Variants in USP2 observed in about 807,000 individuals in gnomAD.
USP2 encodes the protein ubiquitin carboxyl-terminal hydrolase 2.
USP2 carries 33 observed loss-of-function variants against 72.0 expected under a neutral mutation model. The ratio of observed to expected loss-of-function variants is 0.46; its 90% CI spans 0.35 to 0.61. The LOEUF (loss-of-function observed/expected upper bound fraction) is 0.61, where lower values mean the gene tolerates loss of function less well. Among genes scored for constraint, USP2 ranks in the 20% least tolerant of loss-of-function variants. The pLI is 0.01. For missense variants in USP2, 691 were observed against 797.8 expected (o/e 0.87, Z 1.61); for synonymous variants, 296 against 312.5 (o/e 0.95, Z 0.56).
intron 8 of USP2, 23 bp from the exon 9 acceptor site, chr11:119,358,084 G>A (rs564864576): frequency 1.2e-6 from 2 of 1,614,180 alleles, no homozygotes; most frequent in African/African-American, 1.3e-5. Context: ...AAAAAGCAAA[G>A]GTCAGAGGTC....
intron 2 of USP2, among the ~76,000 whole-genome samples, chr11:119,365,843 G>A (rs1950843948): frequency 6.6e-6 from 1 of 151,822 alleles, no homozygotes; most frequent in Admixed American, 6.6e-5. Flanking sequence ...TATTATCCCA[G>A]TTAATTTCTA....
In USP2 at chr11:119,358,243, A is replaced by G; in HGVS notation, c.1247T>C (p.Val416Ala). 1 of 1,613,246 alleles carries G rather than the reference A, an allele frequency of 6.2e-7. No homozygotes were observed. The highest frequency in any genetic ancestry group is 8.5e-7 in the Non-Finnish European group (1 of 1,180,026). ...REDSRIGDLF[V>A]GQLKSSLTCT... ...CGTCAGCGAGCTCTTTAGCTGCCCA[A>G]CAAAGAGATCTGGGGAAGAGAAGGC... is the stretch of plus-strand genomic sequence containing the variant. The change falls in exon 8 of 13, where the codon GTT becomes GCT. Residue 416 changes from valine to alanine, a missense_variant. Val to Ala is a moderately conservative substitution (Grantham distance 64). Coordinates refer to ENST00000260187, the MANE Select transcript of USP2 (RefSeq NM_004205.5).
intron 1 of USP2, chr11:119,379,141 T>C (rs1160476321): frequency 2.0e-6 from 2 of 985,358 alleles, no homozygotes; most frequent in African/African-American, 1.7e-5. Context: ...GACTCCGATA[T>C]ATATAGTATC....
intron 2 of USP2, among the ~76,000 whole-genome samples, chr11:119,368,474 A>G (rs1314528435): frequency 6.6e-6 from 1 of 152,214 alleles, no homozygotes; most frequent in East Asian, 1.9e-4. Context: ...ACCTCCGCTC[A>G]CTGCAGGGCA....
At chr11:119,364,251 G>T in intron 2 of USP2, 2 of 1,002,718 alleles carry the variant, frequency 2.0e-6, no homozygotes, top group Non-Finnish European at 2.4e-6. Context: ...GTCAGCGCTG[G>T]GGCGGGGCCA....
intron 2 of USP2, among the ~76,000 whole-genome samples, chr11:119,364,991 C>A (rs1016109864): frequency 6.6e-6 from 1 of 152,082 alleles, no homozygotes; most frequent in African/African-American, 2.4e-5. Flanking sequence ...TGGCATGGGG[C>A]GAGTGTTCTA....
intron 2 of USP2, among the ~76,000 whole-genome samples, chr11:119,371,640 C>T (rs1950927862): frequency 6.6e-6 from 1 of 152,218 alleles, no homozygotes; most frequent in Non-Finnish European, 1.5e-5. Context: ...TTGTCTGGAT[C>T]AGCCCTCCAA....
intron 1 of USP2, among the ~76,000 whole-genome samples, chr11:119,375,701 C>A (rs953699321): frequency 3.3e-5 from 5 of 152,182 alleles, no homozygotes; most frequent in Non-Finnish European, 7.3e-5. Flanking sequence ...CAGATACAAT[C>A]CCCCCAACAA....
Position 119,381,583 on chromosome 11 carries a change from T to C in USP2, c.-152A>G. The C allele has an allele frequency of 6.5e-7, 1 of 1,529,444 alleles. No individual in the cohort carries two copies. Among genetic ancestry groups the C allele is most frequent in the Non-Finnish European group, 8.8e-7 (1 of 1,141,186 alleles). The allele number at this position is 1,529,444 out of a possible 1,614,324, so 94.7% of individuals were successfully genotyped here. On this transcript the variant is annotated 5_prime_UTR_variant, in exon 1 of 13. Coordinates refer to ENST00000260187, the MANE Select transcript of USP2 (RefSeq NM_004205.5). Reference sequence around the variant, plus strand: ...GTGAGCACCAGCTGACGAAGAGGGCTCCCCGGCCTCGGCTCCTGCCTGACT... The same window carrying C: ...GTGAGCACCAGCTGACGAAGAGGGCCCCCCGGCCTCGGCTCCTGCCTGACT...
intron 2 of USP2, among the ~76,000 whole-genome samples, chr11:119,363,052 A>C (rs989096512): frequency 6.6e-6 from 1 of 152,184 alleles, no homozygotes; most frequent in Admixed American, 6.5e-5. Context: ...TTGAGACCCC[A>C]ATCAAGGGCT....
intron 2 of USP2, among the ~76,000 whole-genome samples, chr11:119,367,571 C>T (rs1284066542): frequency 6.6e-6 from 1 of 152,196 alleles, no homozygotes; most frequent in African/African-American, 2.4e-5. Flanking sequence ...TTTTGCCCCA[C>T]AGTGCACCTT....
At chr11:119,367,153 A>T (rs1303443547) in intron 2 of USP2, among the ~76,000 whole-genome samples, 1 of 152,146 alleles carries the variant, frequency 6.6e-6, no homozygotes, top group Non-Finnish European at 1.5e-5. Flanking sequence ...TGGCATCTGA[A>T]TCTGGCTCTG....
rs775136778 is a variant in USP2, at chr11:119,381,527, G to C, written c.-96C>G. ...AACCGGGCACAAGCATGGAGCTGCGGGTGAGTCCCGGCTGGCGCTGGCGCG... is the reference window on the plus strand; with the variant it reads ...AACCGGGCACAAGCATGGAGCTGCGCGTGAGTCCCGGCTGGCGCTGGCGCG... On this transcript the variant is annotated 5_prime_UTR_variant, in exon 1 of 13. Coordinates refer to ENST00000260187, the MANE Select transcript of USP2 (RefSeq NM_004205.5). 46 of 1,536,044 alleles carry C rather than the reference G, an allele frequency of 3.0e-5. No individual in the cohort carries two copies. Among genetic ancestry groups the C allele is most frequent in the Non-Finnish European group, 3.7e-5 (43 of 1,146,920 alleles).
rs1385523398 is a variant in USP2 at position 119,356,378 on chromosome 11, GCT to G, written c.*455_*456del. 6.1e-6 allele frequency: 1 copy of G among 162,696 alleles called. No individual in the cohort carries two copies. Among genetic ancestry groups the G allele is most frequent in the African/African-American group, 2.4e-5 (1 of 41,640 alleles). 10.1% of individuals were successfully genotyped at this position (162,696 alleles called of 1,614,324 possible). On this transcript the variant is annotated 3_prime_UTR_variant, in exon 13 of 13. Coordinates refer to ENST00000260187, the MANE Select transcript of USP2 (RefSeq NM_004205.5). ...GCGTGAAGAGGGCTCTTGGCTCATG[GCT>G]CTGGACCGGCGAGCCGTGCGGGTGG...
At chr11:119,379,960 G>A (rs1452055508) in intron 1 of USP2, among the ~76,000 whole-genome samples, 1 of 119,378 alleles carries the variant, frequency 8.4e-6, no homozygotes, top group Admixed American at 1.2e-4. Flanking sequence ...CGTCGCCCAG[G>A]CTGCAGTGCA....
Position 119,357,833 on chromosome 11 carries a change from T to G in USP2, c.1425A>C (p.Thr475=), listed in dbSNP as rs1252427047. 6.2e-7 allele frequency: 1 copy of G among 1,612,768 alleles called. No individual in the cohort carries two copies. The highest frequency in any genetic ancestry group is 1.3e-5 in the African/African-American group (1 of 74,866). The change falls in exon 10 of 13, where the codon ACA becomes ACC. Residue 475 remains threonine (T), a splice_region_variant and synonymous_variant. Coordinates refer to ENST00000260187, the MANE Select transcript of USP2 (RefSeq NM_004205.5). ...EDVLDGDEKP[T]CCRCRGRKRC... ...GTTTTCTGCCTCGGCAGCGACAGCA[T>G]GTCTGAGAGACAAGACAAACAGAAA... is the stretch of plus-strand genomic sequence containing the variant.
chr11:119,358,123 AC>A lies in USP2; in HGVS notation c.1341+25del, dbSNP rs1363338147. 6 of 1,614,136 alleles carry A rather than the reference AC, an allele frequency of 3.7e-6. No individual in the cohort carries two copies. The South Asian group carries it at 6.6e-5, about 18-fold the overall frequency. On this transcript the variant is annotated intron_variant, in intron 8 of 12. Coordinates refer to ENST00000260187, the MANE Select transcript of USP2 (RefSeq NM_004205.5). ...ATGAAAGGACAGGAGAGGGAGTTCAACAAGGCGGGCAACTGGGGTGCATACC... is the reference window on the plus strand; with the variant it reads ...ATGAAAGGACAGGAGAGGGAGTTCAAAAGGCGGGCAACTGGGGTGCATACC...
rs201864809 is a variant in USP2 at position 119,373,147 on chromosome 11, C to T, written c.334G>A (p.Gly112Arg). The T allele has an allele frequency of 1.4e-4, 220 of 1,614,144 alleles. 1 individual carries two copies. In the East Asian group the frequency reaches 3.7e-3, roughly 27 times the overall value. The change falls in exon 2 of 13, where the codon GGA becomes AGA. Residue 112 changes from glycine to arginine, a missense_variant. Physicochemically the swap from Gly to Arg is moderately radical, Grantham distance 125 (BLOSUM62 -2). Coordinates refer to ENST00000260187, the MANE Select transcript of USP2 (RefSeq NM_004205.5). Reference sequence around the variant, plus strand: ...TTGTTGGTCACTCCATAAGGGAATCCGCTGCCCCCGCTGAGGCCACTGCCT... The same window carrying T: ...TTGTTGGTCACTCCATAAGGGAATCTGCTGCCCCCGCTGAGGCCACTGCCT... Reference protein sequence around the residue: ...PLGSGLSGGSGFPYGVTNNCL... With the variant: ...PLGSGLSGGSRFPYGVTNNCL...
Position 119,379,917 on chromosome 11 carries a change from C to CTTTTTTTTT in USP2, c.-42+1547_-42+1555dup, listed in dbSNP as rs397816714. On this transcript the variant is annotated intron_variant, in intron 1 of 12. Coordinates refer to ENST00000260187, the MANE Select transcript of USP2 (RefSeq NM_004205.5). The stretch of plus-strand genomic sequence containing the variant: ...TACTCCTGGGGAAGTGTTCCTTTCT[C>CTTTTTTTTT]TTTTTTTTTTTTTTTTTTTGAGACG... Among the ~76,000 whole-genome samples, 31 of 116,540 alleles carry CTTTTTTTTT rather than the reference C, an allele frequency of 2.7e-4. 1 individual carries two copies. The highest frequency in any genetic ancestry group is 5.5e-4 in the South Asian group (2 of 3,606). 76.5% of individuals were successfully genotyped at this position (116,540 alleles called of 152,430 possible).
Sources: allele counts gnomAD v4.1 joint callset (sites outside exome capture counted in the v4.1 genomes callset), GRCh38; gene constraint gnomAD v4.1.1; transcripts MANE v1.5; gene names NCBI Gene and HGNC (gene_info 2026-07-23, HGNC 2026-07-21).